Variants in ANKRD26 observed in about 807,000 individuals in gnomAD.
ANKRD26 encodes ankyrin repeat domain-containing protein 26.
A neutral mutation model predicts 208.7 loss-of-function variants in ANKRD26; 141 were observed. The ratio of observed to expected loss-of-function variants is 0.68; its 90% confidence interval spans 0.59 to 0.78. The LOEUF (loss-of-function observed/expected upper bound fraction) is 0.78, where lower values mean the gene tolerates loss of function less well. Among genes scored for constraint, ANKRD26 ranks in the 30% least tolerant of loss-of-function variants. The pLI, the probability that ANKRD26 is intolerant of heterozygous loss-of-function variation, is 0.00. For missense variants in ANKRD26, 1,889 were observed against 1,938.7 expected, an observed-to-expected ratio of 0.97 and a Z score of 0.48; for synonymous variants, 636 against 660.4, an observed-to-expected ratio of 0.96 and a Z score of 0.57.
At chr10:27,075,127 T>C (rs938470302) in intron 9 of ANKRD26, among the ~76,000 whole-genome samples, 3 of 152,178 alleles carry the variant, frequency 2.0e-5, no homozygotes, top group African/African-American at 4.8e-5. Flanking sequence ...CATAACAGAA[T>C]AGAAACTTCT....
chr10:26,954,275 C>T, the ANKRD26 span, among the ~76,000 whole-genome samples: 2 of 152,272 alleles, frequency 1.3e-5, no homozygotes, highest in Admixed American at 1.3e-4. Context: ...AATAAATTGG[C>T]ATTACTCCAG....
chr10:27,078,967 C>T, intron 7 of ANKRD26, 122 bp downstream of exon 7: 1 of 740,578 alleles, frequency 1.4e-6, no homozygotes, highest in Non-Finnish European at 2.3e-6. Context: ...ATGGCTTCCC[C>T]TGACCACCTT....
At chr10:27,018,020 A>G (rs886315705) in intron 29 of ANKRD26, among the ~76,000 whole-genome samples, 1 of 152,044 alleles carries the variant, frequency 6.6e-6, no homozygotes, top group African/African-American at 2.4e-5. Flanking sequence ...TCTCTGCCAC[A>G]CAACATTTGC....
chr10:27,002,397 G>A (rs889504890), downstream of ANKRD26, among the ~76,000 whole-genome samples: 8 of 152,212 alleles, frequency 5.3e-5, no homozygotes, highest in African/African-American at 1.7e-4. Flanking sequence ...TTCTCCCCTT[G>A]TCTGCGTGGG....
intron 33 of ANKRD26, among the ~76,000 whole-genome samples, chr10:27,006,164 G>A (rs2052872212): frequency 1.3e-5 from 2 of 152,292 alleles, no homozygotes; most frequent in African/African-American, 4.8e-5. Flanking sequence ...CAATAACGTA[G>A]GCTTTTTGAT....
chr10:26,970,566 A>G (rs796389655), downstream of ANKRD26, among the ~76,000 whole-genome samples: 16 of 152,226 alleles, frequency 1.1e-4, no homozygotes, highest in African/African-American at 3.6e-4. Flanking sequence ...ATGCTACTAT[A>G]CTTCCCATAC....
At chr10:27,053,697 C>G (rs551894254) in intron 15 of ANKRD26, among the ~76,000 whole-genome samples, 7 of 152,254 alleles carry the variant, frequency 4.6e-5, no homozygotes, top group African/African-American at 1.7e-4. Flanking sequence ...CAACAAACCA[C>G]TTGGGGAAAC....
chr10:27,009,751 G>A (rs139108264), intron 32 of ANKRD26, among the ~76,000 whole-genome samples: 271 of 152,140 alleles, frequency 1.8e-3, no homozygotes, highest in African/African-American at 6.3e-3. Flanking sequence ...AATAAACTAC[G>A]TTTTATAAAA....
chr10:27,061,045 A>G (rs1389632137), intron 13 of ANKRD26, 99 bp downstream of exon 13: 5 of 929,560 alleles, frequency 5.4e-6, no homozygotes, highest in East Asian at 2.4e-5. Flanking sequence ...ACTTGGATAT[A>G]TAACTTATTT....
the ANKRD26 span, among the ~76,000 whole-genome samples, chr10:26,965,911 T>C: frequency 6.6e-6 from 1 of 151,868 alleles, no homozygotes; most frequent in Non-Finnish European, 1.5e-5. Context: ...ATCAGAGAAA[T>C]CCAAATCCAA....
chr10:27,035,392 G>A lies in ANKRD26; in HGVS notation c.3058C>T (p.Arg1020Cys), dbSNP rs761804757. ...CTTTTTGATGTCTCACTTTGATCAC[G>A]ATCATGTATAGCAGCAGCCAATCTA... ...HSRLAAAIHD[R>C]DQSETSKREL... The change falls in exon 24 of 34, where the codon CGT becomes TGT. Residue 1020 changes from arginine to cysteine, a missense_variant. Arg to Cys is a radical substitution (Grantham distance 180). Around this residue, in one of 3 missense-constraint regions of ANKRD26, gnomAD observed 1,272 missense variants for 1,273.8 expected, o/e 1.00. Coordinates refer to ENST00000376087, the MANE Select transcript of ANKRD26 (RefSeq NM_014915.3). The A allele has an allele frequency of 1.4e-5, 22 of 1,613,688 alleles. No homozygotes were observed. In the African/African-American group the frequency reaches 1.9e-4, roughly 14 times the overall value.
chr10:27,093,006 C>T (rs572824912), intron 3 of ANKRD26, among the ~76,000 whole-genome samples: 73 of 152,022 alleles, frequency 4.8e-4, no homozygotes, highest in Non-Finnish European at 7.6e-4. Context: ...TTGCTTGAAC[C>T]CGGGAGGCAG....
At chr10:26,972,225 A>C (rs925301923), downstream of ANKRD26, among the ~76,000 whole-genome samples, 5 of 145,862 alleles carry the variant, frequency 3.4e-5, no homozygotes, top group African/African-American at 1.3e-4. Flanking sequence ...ACAGAGCGAG[A>C]CTCCGTCTCA....
At chr10:26,972,719 C>T (rs748603296), downstream of ANKRD26, among the ~76,000 whole-genome samples, 41 of 151,618 alleles carry the variant, frequency 2.7e-4, 1 homozygote, top group Non-Finnish European at 4.6e-4. Flanking sequence ...GCCTCCCGAG[C>T]AGCTGGGACT....
At chr10:27,056,742 A>C (rs944003301) in intron 15 of ANKRD26, among the ~76,000 whole-genome samples, 5 of 152,032 alleles carry the variant, frequency 3.3e-5, no homozygotes, top group African/African-American at 1.2e-4. Flanking sequence ...ATGCCATTGC[A>C]CTCCAGCTTG....
intron 9 of ANKRD26, 158 bp downstream of exon 9, chr10:27,077,180 G>T: frequency 3.1e-6 from 2 of 654,330 alleles, no homozygotes; most frequent in Non-Finnish European, 2.6e-6. Context: ...TTTCAAGGAT[G>T]CAGGGATGGT....
At chr10:26,975,252 A>G (rs991677054) in exon 6 of ANKRD26, among the ~76,000 whole-genome samples, 7 of 152,088 alleles carry the variant, frequency 4.6e-5, no homozygotes, top group Admixed American at 4.6e-4. Flanking sequence ...TTTTAGAGGT[A>G]GAGTCTCTCT....
rs1349817870 is a variant in ANKRD26 at position 27,062,071 on chromosome 10, CTTCT to C, written c.1364-833_1364-830del. ...GTTAACTCCAAGATGACTTAGCTAA[CTTCT>C]TTCTTTCTTCTCTTTCCCCACTCAC... On this transcript the variant is annotated intron_variant, in intron 12 of 33. Transcript: ENST00000376087. 56 of 985,218 alleles carry C rather than the reference CTTCT, an allele frequency of 5.7e-5. No individual in the cohort carries two copies. In the East Asian group the frequency reaches 2.8e-3, roughly 50 times the overall value. The allele number at this position is 985,218 out of a possible 1,614,324, so 61.0% of individuals were successfully genotyped here. A position where few individuals can be genotyped will look rare whatever the true frequency, so the allele number is the denominator to read the frequency against.
At chr10:27,099,969 G>A in intron 1 of ANKRD26, 116 bp downstream of exon 1, 1 of 1,545,850 alleles carries the variant, frequency 6.5e-7, no homozygotes, top group South Asian at 1.1e-5. Context: ...ACCGTCCCAG[G>A]GGCTACGGAG....
Sources: gnomAD v4.1 joint callset for allele counts (sites outside exome capture counted in the v4.1 genomes callset) on GRCh38, gnomAD v4.1.1 for gene constraint, gnomAD v4.1.1 regional missense constraint, MANE v1.5 for transcripts, NCBI Gene and HGNC (gene_info 2026-07-23, HGNC 2026-07-21) for gene names.